CDKN2B-AS1: variants seen among roughly 807,000 people sequenced by gnomAD.
CDKN2B-AS1 encodes CDKN2B antisense RNA 1 (non-protein coding).
chr9:22,010,627 A>G (rs1049261023), intron 1 of CDKN2B-AS1, among the ~76,000 whole-genome samples: 11 of 152,212 alleles, frequency 7.2e-5, no homozygotes, highest in African/African-American at 2.7e-4. Context: ...AGTGCTGGTT[A>G]GGGCTGAAAA....
At chr9:22,029,755 T>G (rs531509830) in intron 1 of CDKN2B-AS1, 88 of 378,434 alleles carry the variant, frequency 2.3e-4, no homozygotes, top group Non-Finnish European at 3.2e-4. Flanking sequence ...CATGTGTTTA[T>G]TCTGACAGTT....
Position 22,001,751 on chromosome 9 carries a change from AT to A in CDKN2B-AS1, n.29+6593del, listed in dbSNP as rs1367300349. Among the ~76,000 whole-genome samples, 1 of 152,138 alleles carries A rather than the reference AT, an allele frequency of 6.6e-6. No homozygotes were observed. Reference sequence around the variant, plus strand: ...TAAGAGGCAAGAAAGGAGTAATTTCATTTGGATAGCTGAAATTGAGAAACGT... The same window carrying A: ...TAAGAGGCAAGAAAGGAGTAATTTCATTGGATAGCTGAAATTGAGAAACGT... On this transcript the variant is annotated intron_variant and non_coding_transcript_variant, in intron 1 of 4. Coordinates refer to ENST00000650946, the Ensembl canonical transcript of CDKN2B-AS1. This position sits in a 1 kb window ranked among gnomAD's most constrained non-coding sequence, Gnocchi z 4.2.
chr9:22,009,352 C>T (rs1278445661), intron 1 of CDKN2B-AS1: 3 of 378,896 alleles, frequency 7.9e-6, no homozygotes, highest in Admixed American at 9.1e-5. Context: ...GGCCAAGGGG[C>T]CGGCGTCTCC....
chr9:22,040,489 G>T (rs1822853153), intron 1 of CDKN2B-AS1, among the ~76,000 whole-genome samples: 1 of 151,418 alleles, frequency 6.6e-6, no homozygotes, highest in African/African-American at 2.4e-5. Flanking sequence ...TTGAGAAGGA[G>T]ATCATAACCA....
intron 4 of CDKN2B-AS1, among the ~76,000 whole-genome samples, chr9:22,082,251 G>T (rs1225812446): frequency 6.6e-6 from 1 of 152,176 alleles, no homozygotes; most frequent in Non-Finnish European, 1.5e-5. Flanking sequence ...GGTCTTGAAA[G>T]CAGTGATATG....
chr9:22,075,054 A>G (rs187607273), intron 4 of CDKN2B-AS1, among the ~76,000 whole-genome samples: 27 of 152,372 alleles, frequency 1.8e-4, no homozygotes, highest in Middle Eastern at 6.8e-3. Context: ...TGGTAGCAAT[A>G]TACAGTTTCT....
rs1343246119 is a variant in CDKN2B-AS1, at chr9:21,996,362, C to T, written n.29+1201C>T. ...AGGTAGATTTCACTCAGAATTTACC[C>T]AACACCGTGCTTTGTGCTGGGGCCA... On this transcript the variant is annotated intron_variant and non_coding_transcript_variant, in intron 1 of 4. Coordinates refer to ENST00000650946, the Ensembl canonical transcript of CDKN2B-AS1. This position sits in a 1 kb window ranked among gnomAD's most constrained non-coding sequence, Gnocchi z 5.4. Among the ~76,000 whole-genome samples the T allele has an allele frequency of 6.6e-6, 1 of 152,112 alleles. No homozygotes were observed. The highest frequency in any genetic ancestry group is 1.5e-5 in the Non-Finnish European group (1 of 68,014).
At chr9:22,031,574 AT>A (rs759747216) in intron 1 of CDKN2B-AS1, among the ~76,000 whole-genome samples, 1 of 152,160 alleles carries the variant, frequency 6.6e-6, no homozygotes, top group Non-Finnish European at 1.5e-5. Context: ...TAAAAGTAAA[AT>A]TTTTTGTATT....
intron 4 of CDKN2B-AS1, among the ~76,000 whole-genome samples, chr9:22,071,900 T>C (rs60614150): frequency 0.015 from 2,283 of 152,292 alleles, 53 homozygotes; most frequent in African/African-American, 0.053. Context: ...TCCAAAGCAT[T>C]AAACAATGCC....
Position 22,039,893 on chromosome 9 carries a change from A to G in CDKN2B-AS1, n.30-6858A>G, listed in dbSNP as rs1390616985. The stretch of plus-strand genomic sequence containing the variant: ...TGCAAATATAATTAGTTAAGATGCG[A>G]TCTTACTGACATAGGAGAAGCTCCT... On this transcript the variant is annotated intron_variant and non_coding_transcript_variant, in intron 1 of 4. Transcript: ENST00000650946. The surrounding 1 kb of genome is among the most constrained non-coding windows in gnomAD (Gnocchi z 4.4). Among the ~76,000 whole-genome samples the G allele has an allele frequency of 6.6e-6, 1 of 152,002 alleles. No individual in the cohort carries two copies. Among genetic ancestry groups the G allele is most frequent in the Admixed American group, 6.6e-5 (1 of 15,238 alleles).
At chr9:22,090,941 A>T (rs1195529627) in intron 4 of CDKN2B-AS1, among the ~76,000 whole-genome samples, 4 of 152,128 alleles carry the variant, frequency 2.6e-5, no homozygotes, top group Admixed American at 1.3e-4. Flanking sequence ...GTTTTCTTCT[A>T]GGGTTTTTAT....
At chr9:22,103,271 C>T (rs1487363992) in intron 4 of CDKN2B-AS1, among the ~76,000 whole-genome samples, 1 of 151,844 alleles carries the variant, frequency 6.6e-6, no homozygotes, top group Non-Finnish European at 1.5e-5. Flanking sequence ...ATTATCACCA[C>T]TGATATATAG....
rs75547515 is a variant in CDKN2B-AS1, at chr9:22,117,073, A to T, written n.439-10030A>T. Among the ~76,000 whole-genome samples the T allele has an allele frequency of 1.3e-3, 199 of 152,314 alleles. 1 individual carries two copies. In the East Asian group the frequency reaches 0.019, roughly 15 times the overall value. ...AAGCTGTTATTTTATTATGAAGAAAAATGTTATGCATCTTATGCATGCAGA... is the reference window on the plus strand; with the variant it reads ...AAGCTGTTATTTTATTATGAAGAAATATGTTATGCATCTTATGCATGCAGA... On this transcript the variant is annotated intron_variant and non_coding_transcript_variant, in intron 4 of 4. Coordinates refer to ENST00000650946, the Ensembl canonical transcript of CDKN2B-AS1.
rs924788580 is a variant in CDKN2B-AS1, at chr9:22,056,039, A to AT, written n.303-204dup. Among the ~76,000 whole-genome samples, 95 of 146,666 alleles carry AT rather than the reference A, an allele frequency of 6.5e-4. 2 individuals carry two copies. The South Asian group carries it at 0.017, about 26-fold the overall frequency. ...TTGATGGGTCTTGAAGGTTACATAG[A>AT]TTTTTTTTTCTTTTTTTTTTTTTGA... On this transcript the variant is annotated intron_variant and non_coding_transcript_variant, in intron 3 of 4. Coordinates refer to ENST00000650946, the Ensembl canonical transcript of CDKN2B-AS1.
intron 4 of CDKN2B-AS1, among the ~76,000 whole-genome samples, chr9:22,101,149 G>A (rs934017126): frequency 1.3e-5 from 2 of 152,224 alleles, no homozygotes; most frequent in East Asian, 1.9e-4. Flanking sequence ...CCCTTCAACA[G>A]ACTGCGCTTC....
intron 4 of CDKN2B-AS1, among the ~76,000 whole-genome samples, chr9:22,121,493 C>T (rs1826102829): frequency 6.6e-6 from 1 of 151,956 alleles, no homozygotes; most frequent in African/African-American, 2.4e-5. Context: ...AACACCAGAA[C>T]TTATTCTTTC....
intron 4 of CDKN2B-AS1, among the ~76,000 whole-genome samples, chr9:22,066,651 A>G: frequency 6.6e-6 from 1 of 152,018 alleles, no homozygotes; most frequent in Non-Finnish European, 1.5e-5. Flanking sequence ...ATAATGTCTC[A>G]ATAAACATAA....
chr9:22,019,076 A>G (rs1821911837), intron 1 of CDKN2B-AS1, among the ~76,000 whole-genome samples: 1 of 152,220 alleles, frequency 6.6e-6, no homozygotes, highest in Non-Finnish European at 1.5e-5. Context: ...CTGAGGTGGG[A>G]CAAAGCAAGG....
At chr9:22,017,722 C>G (rs1042012873) in intron 1 of CDKN2B-AS1, among the ~76,000 whole-genome samples, 2 of 152,092 alleles carry the variant, frequency 1.3e-5, no homozygotes, top group Non-Finnish European at 2.9e-5. Context: ...TGAATTCTGC[C>G]AAGGTATTGG....
Sources: allele counts gnomAD v4.1 joint callset (sites outside exome capture counted in the v4.1 genomes callset), GRCh38; gene constraint gnomAD v4.1.1; non-coding constraint Gnocchi (gnomAD v3.1); transcripts MANE v1.5; gene names NCBI Gene and HGNC (gene_info 2026-07-23, HGNC 2026-07-21).